The following INSL6 variants were observed in gnomAD, a reference collection of about 807,000 sequenced individuals.
INSL6 encodes the protein insulin-like peptide INSL6.
INSL6 carries 16 observed loss-of-function variants against 9.4 expected under a neutral mutation model. The ratio of observed to expected loss-of-function variants is 1.70; its 90% confidence interval spans 1.15 to 2.59. The LOEUF (loss-of-function observed/expected upper bound fraction) is 2.59. Among genes scored for constraint, INSL6 ranks in the 30% most tolerant of loss-of-function variants. The probability of loss-of-function intolerance (pLI) is 0.00; values close to 1 mark genes in which losing one functional copy is unlikely to be tolerated. For synonymous variants in INSL6, 154 were observed against 96.9 expected, an observed-to-expected ratio of 1.59 and a Z score of -3.46; for missense variants, 391 against 257.3, an observed-to-expected ratio of 1.52 and a Z score of -3.56.
At chr9:5,066,794 G>C in the INSL6 span, 1 of 1,367,516 alleles carries the variant, frequency 7.3e-7, no homozygotes, top group Non-Finnish European at 1.0e-6. Flanking sequence ...GTCGAGGTTA[G>C]TATGTCACAC....
chr9:5,033,904 C>G, the INSL6 span, among the ~76,000 whole-genome samples: 1 of 151,910 alleles, frequency 6.6e-6, no homozygotes, highest in Non-Finnish European at 1.5e-5. Context: ...TAACCTTAAA[C>G]GTAAATGGGC....
the INSL6 span, among the ~76,000 whole-genome samples, chr9:5,049,096 T>C: frequency 4.6e-5 from 7 of 152,348 alleles, 2 homozygotes; most frequent in South Asian, 1.4e-3. Flanking sequence ...TTATCAGCCT[T>C]TTTTCAGAAT....
intron 1 of INSL6, among the ~76,000 whole-genome samples, chr9:5,173,221 G>T (rs1825221336): frequency 6.6e-6 from 1 of 152,128 alleles, no homozygotes. Context: ...ATTCCTCAAA[G>T]ATCTAGAACC....
the INSL6 span, among the ~76,000 whole-genome samples, chr9:5,090,068 T>C: frequency 6.6e-6 from 1 of 152,236 alleles, no homozygotes; most frequent in Non-Finnish European, 1.5e-5. Context: ...TCTTTTCACC[T>C]CTTGCTTAAG....
chr9:5,037,129 G>C, the INSL6 span, among the ~76,000 whole-genome samples: 1 of 152,228 alleles, frequency 6.6e-6, no homozygotes, highest in South Asian at 2.1e-4. Flanking sequence ...CTGGCCATCA[G>C]AGAAATGCAA....
chr9:5,096,911 A>T, the INSL6 span: 5 of 152,260 alleles, frequency 3.3e-5, no homozygotes, highest in African/African-American at 1.2e-4. Context: ...GCAACTAACT[A>T]GTCCCTCTGA....
the INSL6 span, among the ~76,000 whole-genome samples, chr9:5,067,655 AAT>A: frequency 6.6e-6 from 1 of 151,456 alleles, no homozygotes. Context: ...AATTCAAAAA[AAT>A]ATATATATAT....
chr9:5,182,650 C>CA (rs933720197), intron 1 of INSL6, among the ~76,000 whole-genome samples: 8 of 150,078 alleles, frequency 5.3e-5, no homozygotes, highest in African/African-American at 1.2e-4. Context: ...CATAAAGAAA[C>CA]AAAAAAAACA....
At chr9:5,148,824 C>T (rs142358339) in intron 2 of INSL6, among the ~76,000 whole-genome samples, 1 of 152,312 alleles carries the variant, frequency 6.6e-6, no homozygotes, top group East Asian at 1.9e-4. Context: ...TCAGAATGTA[C>T]TCAGGTAGAG....
the INSL6 span, chr9:5,041,836 A>G: frequency 8.4e-6 from 4 of 476,470 alleles, no homozygotes; most frequent in African/African-American, 7.9e-5. Flanking sequence ...AACTCCACCA[A>G]TGGGGAGCTG....
At chr9:5,139,263 T>A (rs768334104) in intron 2 of INSL6, among the ~76,000 whole-genome samples, 1 of 152,306 alleles carries the variant, frequency 6.6e-6, no homozygotes, top group Admixed American at 6.5e-5. Context: ...TTTTTAATGA[T>A]AAGCAATTTT....
At chr9:5,112,718 C>T in the INSL6 span, 1 of 808,066 alleles carries the variant, frequency 1.2e-6, no homozygotes, top group Non-Finnish European at 1.8e-6. Flanking sequence ...AGAGCGGAAC[C>T]TGAATCCCAA....
At chr9:5,113,983 G>T in the INSL6 span, 1 of 269,020 alleles carries the variant, frequency 3.7e-6, no homozygotes, top group Admixed American at 4.5e-5. Flanking sequence ...AGCATCACCT[G>T]GCTGGAGGAT....
At chr9:5,022,249 A>C in the INSL6 span, 4 of 1,450,612 alleles carry the variant, frequency 2.8e-6, no homozygotes, top group Non-Finnish European at 3.9e-6. Context: ...CTTTTTATGC[A>C]TGGATTGTTT....
chr9:5,019,591 A>G, the INSL6 span, among the ~76,000 whole-genome samples: 3 of 152,122 alleles, frequency 2.0e-5, no homozygotes, highest in Non-Finnish European at 4.4e-5. Context: ...TGGAGATGTC[A>G]TATTTCCCTA....
chr9:5,039,928 C>T, the INSL6 span, among the ~76,000 whole-genome samples: 1 of 152,090 alleles, frequency 6.6e-6, no homozygotes, highest in South Asian at 2.1e-4. Context: ...TACTGAATTC[C>T]TAAATGTCTT....
At chr9:5,084,227 G>C in the INSL6 span, among the ~76,000 whole-genome samples, 1 of 152,074 alleles carries the variant, frequency 6.6e-6, no homozygotes, top group Non-Finnish European at 1.5e-5. Flanking sequence ...GTAATCATTA[G>C]TCAGTCATAG....
At chr9:5,026,925 C>T in the INSL6 span, among the ~76,000 whole-genome samples, 1 of 152,106 alleles carries the variant, frequency 6.6e-6, no homozygotes, top group Non-Finnish European at 1.5e-5. Context: ...ATTAAAATAG[C>T]CCAAAGGACA....
chr9:5,016,221 G>A, the INSL6 span, among the ~76,000 whole-genome samples: 1 of 152,230 alleles, frequency 6.6e-6, no homozygotes, highest in Non-Finnish European at 1.5e-5. Flanking sequence ...ACTTCAGGAT[G>A]AAGTGAAGTA....
Sources: allele counts gnomAD v4.1 joint callset (sites outside exome capture counted in the v4.1 genomes callset), GRCh38; gene constraint gnomAD v4.1.1; transcripts MANE v1.5; gene names NCBI Gene and HGNC (gene_info 2026-07-23, HGNC 2026-07-21).